The following DPEP1 variants were observed in gnomAD, a reference collection of about 807,000 sequenced individuals.
DPEP1 encodes the protein beta-lactamase.
Under a neutral mutation model 42.3 loss-of-function variants are expected in DPEP1, and 50 were observed. That is an observed-to-expected ratio of 1.18 (90% CI 0.94 to 1.50). The LOEUF (loss-of-function observed/expected upper bound fraction) is 1.50, where lower values mean the gene tolerates loss of function less well. Among genes scored for constraint, DPEP1 ranks in the 40% most tolerant of loss-of-function variants. DPEP1 has a pLI of 0.00. For synonymous variants in DPEP1, 297 were observed against 234.0 expected (o/e 1.27, Z -2.46); for missense variants, 663 against 553.0 (o/e 1.20, Z -1.99).
intron 1 of DPEP1, among the ~76,000 whole-genome samples, chr16:89,625,203 A>G (rs569883575): frequency 7.2e-5 from 11 of 151,958 alleles, no homozygotes; most frequent in Admixed American, 2.0e-4. Flanking sequence ...AGCACAAATT[A>G]GCGTCCCATT....
intron 3 of DPEP1, 65 bp from the exon 4 acceptor site, chr16:89,636,199 C>T: frequency 6.4e-7 from 1 of 1,564,888 alleles, no homozygotes; most frequent in Non-Finnish European, 8.6e-7. Context: ...CAGACTCCCA[C>T]AGGCATGCGG....
chr16:89,640,133 G>C (rs1403040205), downstream of DPEP1, among the ~76,000 whole-genome samples: 1 of 152,206 alleles, frequency 6.6e-6, no homozygotes, highest in African/African-American at 2.4e-5. Context: ...TTGGGGCTCA[G>C]TGCCTTCCCA....
chr16:89,637,060 C>T, intron 6 of DPEP1, 125 bp downstream of exon 6: 1 of 1,524,492 alleles, frequency 6.6e-7, no homozygotes, highest in Non-Finnish European at 8.8e-7. Context: ...AGCTGGCAGC[C>T]ATCCCCCCAG....
At chr16:89,627,028 G>A (rs1469938500) in intron 1 of DPEP1, among the ~76,000 whole-genome samples, 1 of 151,944 alleles carries the variant, frequency 6.6e-6, no homozygotes, top group Non-Finnish European at 1.5e-5. Flanking sequence ...TTGGGAGGCC[G>A]AGGCGGGCGG....
downstream of DPEP1, among the ~76,000 whole-genome samples, chr16:89,640,325 C>T (rs562106264): frequency 1.3e-5 from 2 of 152,340 alleles, no homozygotes; most frequent in African/African-American, 4.8e-5. Context: ...CAGGTCACTT[C>T]CAGATCTGAC....
intron 2 of DPEP1, among the ~76,000 whole-genome samples, chr16:89,633,866 T>TC (rs1165794675): frequency 3.3e-5 from 5 of 151,436 alleles, no homozygotes; most frequent in Admixed American, 6.6e-5. Flanking sequence ...CACAAGGCAG[T>TC]CCCCCCGAGA....
intron 1 of DPEP1, among the ~76,000 whole-genome samples, chr16:89,625,123 TC>T (rs1178184606): frequency 6.6e-6 from 1 of 152,098 alleles, no homozygotes; most frequent in African/African-American, 2.4e-5. Context: ...TTGAAGTTTT[TC>T]CTGGATTCAG....
intron 1 of DPEP1, among the ~76,000 whole-genome samples, chr16:89,616,547 A>G (rs1433650419): frequency 6.6e-6 from 1 of 152,258 alleles, no homozygotes; most frequent in African/African-American, 2.4e-5. Context: ...TTGCTCCACC[A>G]GAATGTTCCC....
intron 1 of DPEP1, among the ~76,000 whole-genome samples, chr16:89,624,281 G>A (rs149381124): frequency 7.9e-5 from 12 of 152,216 alleles, no homozygotes; most frequent in African/African-American, 2.2e-4. Context: ...AATGGGAAGC[G>A]TGGCACCAGC....
intron 1 of DPEP1, among the ~76,000 whole-genome samples, chr16:89,624,578 G>C (rs993700459): frequency 1.3e-5 from 2 of 151,432 alleles, no homozygotes; most frequent in African/African-American, 4.8e-5. Context: ...ACCGTCGCCC[G>C]GGCTGGAGTG....
intron 1 of DPEP1, among the ~76,000 whole-genome samples, chr16:89,625,035 A>C (rs926176818): frequency 1.3e-5 from 2 of 152,084 alleles, no homozygotes; most frequent in South Asian, 4.1e-4. Flanking sequence ...ATCCTTTGCT[A>C]CTGGGCGTGG....
At chr16:89,614,924 G>A (rs534517777) in intron 1 of DPEP1, among the ~76,000 whole-genome samples, 7 of 152,294 alleles carry the variant, frequency 4.6e-5, no homozygotes, top group East Asian at 1.9e-4. Context: ...CTGGGCTAGC[G>A]AAGGGCAGAA....
intron 1 of DPEP1, among the ~76,000 whole-genome samples, chr16:89,627,886 C>G (rs184864883): frequency 4.0e-3 from 614 of 151,798 alleles, no homozygotes; most frequent in Non-Finnish European, 6.0e-3. Flanking sequence ...TCTCAAACTC[C>G]TAACCTCGTG....
intron 1 of DPEP1, among the ~76,000 whole-genome samples, chr16:89,615,877 C>A (rs1364288598): frequency 6.6e-6 from 1 of 152,142 alleles, no homozygotes; most frequent in African/African-American, 2.4e-5. Context: ...CCAAGGCCCG[C>A]CCTGGCCTCT....
chr16:89,635,776 G>A lies in DPEP1; in HGVS notation c.105-132G>A, dbSNP rs373434188. On this transcript the variant is annotated intron_variant, in intron 2 of 10. Transcript: ENST00000690203. ...GTGGCCGGTGATATGTCACCCCCGC[G>A]GCCTAGACTTCAGTCCTGCGTCTGT... 34 of 1,258,170 alleles carry A rather than the reference G, an allele frequency of 2.7e-5. No homozygotes were observed. In the African/African-American group the frequency reaches 2.9e-4, roughly 11 times the overall value. The allele number at this position is 1,258,170 out of a possible 1,614,324, so 77.9% of individuals were successfully genotyped here.
chr16:89,623,055 C>G (rs1312602613), intron 1 of DPEP1, among the ~76,000 whole-genome samples: 1 of 152,088 alleles, frequency 6.6e-6, no homozygotes, highest in Non-Finnish European at 1.5e-5. Flanking sequence ...CCCAGGACCA[C>G]CCAGACAGAC....
intron 1 of DPEP1, among the ~76,000 whole-genome samples, chr16:89,614,335 C>T (rs1187543764): frequency 6.6e-6 from 1 of 152,192 alleles, no homozygotes; most frequent in African/African-American, 2.4e-5. Flanking sequence ...GTACCCCTTC[C>T]TCCAGGAAGA....
downstream of DPEP1, chr16:89,640,550 C>T (rs1429457369): frequency 1.0e-6 from 1 of 985,118 alleles, no homozygotes; most frequent in Non-Finnish European, 1.2e-6. Flanking sequence ...CCTGATCTTC[C>T]AGGATGCACT....
intron 4 of DPEP1, 42 bp downstream of exon 4, chr16:89,636,438 A>G: frequency 6.3e-7 from 1 of 1,599,312 alleles, no homozygotes; most frequent in Non-Finnish European, 8.5e-7. Context: ...GCGTCTTCTC[A>G]CCCAGCCCTC....
Sources: allele counts gnomAD v4.1 joint callset (sites outside exome capture counted in the v4.1 genomes callset), GRCh38; gene constraint gnomAD v4.1.1; transcripts MANE v1.5; gene names NCBI Gene and HGNC (gene_info 2026-07-23, HGNC 2026-07-21).